Variants in TNFRSF1A observed in about 807,000 individuals in gnomAD.
TNFRSF1A encodes tumor necrosis factor receptor superfamily member 1A.
In TNFRSF1A, 9 loss-of-function variants were observed where a neutral mutation model predicts 41.6. That is an observed-to-expected ratio of 0.22 (90% CI 0.13 to 0.38). TNFRSF1A has a LOEUF of 0.38. Ranked by LOEUF, TNFRSF1A falls within the 10% of genes least tolerant of loss-of-function variation. The pLI is 1.00. For synonymous variants in TNFRSF1A, 254 were observed against 248.6 expected (o/e 1.02, Z -0.21); for missense variants, 463 against 591.5 (o/e 0.78, Z 2.25).
chr12:6,330,975 A>G (rs1379285285), intron 5 of TNFRSF1A, 49 bp from the exon 6 acceptor site: 12 of 1,466,156 alleles, frequency 8.2e-6, no homozygotes, highest in Admixed American at 1.7e-5. Context: ...CATTGGAGGA[A>G]CACAGAAAAA....
Position 6,334,304 on chromosome 12 carries a change from G to A in TNFRSF1A, c.40-60C>T, listed in dbSNP as rs1339116736. The A allele has an allele frequency of 6.5e-7, 1 of 1,527,160 alleles. No individual in the cohort carries two copies. The highest frequency in any genetic ancestry group is 9.0e-7 in the Non-Finnish European group (1 of 1,112,334). 94.6% of individuals were successfully genotyped at this position (1,527,160 alleles called of 1,614,324 possible). ...GAGAGGGAGGGATGGGAAGCTTAGGGGTAGCAGATCTAAAACTTCCCTGGC... is the reference window on the plus strand; with the variant it reads ...GAGAGGGAGGGATGGGAAGCTTAGGAGTAGCAGATCTAAAACTTCCCTGGC... On this transcript the variant is annotated intron_variant, in intron 1 of 9. Coordinates refer to ENST00000162749, the MANE Select transcript of TNFRSF1A (RefSeq NM_001065.4). The surrounding 1 kb of genome is among the most constrained non-coding windows in gnomAD (Gnocchi z 5.1).
At chr12:6,332,457 A>AAAAAAAAAAAAAAAGG (rs1364901075) in intron 5 of TNFRSF1A, among the ~76,000 whole-genome samples, 1 of 131,160 alleles carries the variant, frequency 7.6e-6, no homozygotes, top group Non-Finnish European at 1.6e-5. Context: ...AAAAAAAAAC[A>AAAAAAAAAAAAAAAGG]CCAAAAGAAA....
At chr12:6,338,721 T>C (rs1368682829) in intron 1 of TNFRSF1A, among the ~76,000 whole-genome samples, 1 of 152,046 alleles carries the variant, frequency 6.6e-6, no homozygotes, top group Non-Finnish European at 1.5e-5. Flanking sequence ...CTCCACCTCC[T>C]GGGCCCAAGC....
In TNFRSF1A at chr12:6,333,164, G is replaced by C; in HGVS notation, c.473-17C>G. Reference sequence around the variant, plus strand: ...TCTCCTGGCCTGTAGGGAGAAGTGCGGCACAGCTAAAGGAGAAGCGCCTGC... The same window carrying C: ...TCTCCTGGCCTGTAGGGAGAAGTGCCGCACAGCTAAAGGAGAAGCGCCTGC... On this transcript the variant is annotated splice_polypyrimidine_tract_variant and intron_variant, in intron 4 of 9. Transcript: ENST00000162749. This position sits in a 1 kb window ranked among gnomAD's most constrained non-coding sequence, Gnocchi z 6.3. 3 of 1,613,430 alleles carry C rather than the reference G, an allele frequency of 1.9e-6. No homozygotes were observed. The highest frequency in any genetic ancestry group is 2.5e-6 in the Non-Finnish European group (3 of 1,179,392).
Position 6,335,772 on chromosome 12 carries a change from C to T in TNFRSF1A, c.40-1528G>A, listed in dbSNP as rs971419635. Among the ~76,000 whole-genome samples, 10 of 152,186 alleles carry T rather than the reference C, an allele frequency of 6.6e-5. No individual in the cohort carries two copies. In the East Asian group the frequency reaches 7.7e-4, roughly 12 times the overall value. ...ACCCAGCCTCACCAACTCCACATTT[C>T]GGAGCAGGAGGCCAGTCACCCTGAG... On this transcript the variant is annotated intron_variant, in intron 1 of 9. Transcript: ENST00000162749.
rs369290223 is a variant in TNFRSF1A, at chr12:6,329,540, C to T, written c.1140G>A (p.Leu380=). 16 of 1,592,738 alleles carry T rather than the reference C, an allele frequency of 1.0e-5. No homozygotes were observed. The African/African-American group carries it at 1.1e-4, about 11-fold the overall frequency. The change falls in exon 10 of 10, where the codon CTG becomes CTA. Residue 380 remains leucine (L), a synonymous_variant. Transcript: ENST00000162749. ...RWKEFVRRLG[L]SDHEIDRLEL... ...CCAGCCGATCGATCTCGTGGTCGCTCAGCCCTAGGCGCCGCACGAATTCCT... is the reference window on the plus strand; with the variant it reads ...CCAGCCGATCGATCTCGTGGTCGCTTAGCCCTAGGCGCCGCACGAATTCCT...
In TNFRSF1A at chr12:6,329,495, G is replaced by C. The variant is rs746899020; in HGVS notation, c.1185C>G (p.Cys395Trp). The change falls in exon 10 of 10, where the codon TGC becomes TGG. Residue 395 changes from cysteine to tryptophan, a missense_variant. Transcript: ENST00000162749. ...GCATGCTGTATTGCGCCTCGCGCAG[G>C]CAGCGCCCGTTCTGCAGCTCCAGCC... ...IDRLELQNGRCLREAQYSMLA... is the reference protein window; with the variant it reads ...IDRLELQNGRWLREAQYSMLA... The C allele has an allele frequency of 1.3e-6, 2 of 1,594,814 alleles. No individual in the cohort carries two copies. Among genetic ancestry groups the C allele is most frequent in the African/African-American group, 2.7e-5 (2 of 74,706 alleles).
In TNFRSF1A at chr12:6,334,639, G is replaced by A. The variant is rs749429858; in HGVS notation, c.40-395C>T. On this transcript the variant is annotated intron_variant, in intron 1 of 9. Coordinates refer to ENST00000162749, the MANE Select transcript of TNFRSF1A (RefSeq NM_001065.4). This position sits in a 1 kb window ranked among gnomAD's most constrained non-coding sequence, Gnocchi z 5.1. Reference sequence around the variant, plus strand: ...TAGCCTCCTGAATAGCTGGGACTACGGCCGTGAACCACCATGCCCAGCTAA... The same window carrying A: ...TAGCCTCCTGAATAGCTGGGACTACAGCCGTGAACCACCATGCCCAGCTAA... 1.3e-4 allele frequency among the ~76,000 whole-genome samples: 20 copies of A among 151,924 alleles called. No homozygotes were observed. Among genetic ancestry groups the A allele is most frequent in the Admixed American group, 6.6e-4 (10 of 15,260 alleles).
chr12:6,333,647 C>T lies in TNFRSF1A; in HGVS notation c.322+90G>A. 1 of 1,567,548 alleles carries T rather than the reference C, an allele frequency of 6.4e-7. No individual in the cohort carries two copies. Among genetic ancestry groups the T allele is most frequent in the Non-Finnish European group, 8.7e-7 (1 of 1,155,430 alleles). On this transcript the variant is annotated intron_variant, in intron 3 of 9. Coordinates refer to ENST00000162749, the MANE Select transcript of TNFRSF1A (RefSeq NM_001065.4). This position sits in a 1 kb window ranked among gnomAD's most constrained non-coding sequence, Gnocchi z 6.3. ...ATGCAGTGTCCCACCAAAACACACA[C>T]CTTCCTGCCCACACCCACCAGCCTG... is the stretch of plus-strand genomic sequence containing the variant.
Position 6,333,963 on chromosome 12 carries a change from G to A in TNFRSF1A, c.194-98C>T, listed in dbSNP as rs1948086279. Reference sequence around the variant, plus strand: ...CAGGGCCGATTCCCTGAAGTCTCTAGGAGAGGAGGGAGGGAGAAAATCCCA... The same window carrying A: ...CAGGGCCGATTCCCTGAAGTCTCTAAGAGAGGAGGGAGGGAGAAAATCCCA... On this transcript the variant is annotated intron_variant, in intron 2 of 9. Transcript: ENST00000162749. This position sits in a 1 kb window ranked among gnomAD's most constrained non-coding sequence, Gnocchi z 6.3. 5 of 1,609,602 alleles carry A rather than the reference G, an allele frequency of 3.1e-6. No homozygotes were observed. The Admixed American group carries it at 8.4e-5, about 27-fold the overall frequency.
At chr12:6,336,995 T>G (rs1449635581) in intron 1 of TNFRSF1A, among the ~76,000 whole-genome samples, 1 of 152,092 alleles carries the variant, frequency 6.6e-6, no homozygotes, top group African/African-American at 2.4e-5. Flanking sequence ...CCACTGGCAA[T>G]ACAGGAAAGC....
At chr12:6,335,406 C>T (rs935690441) in intron 1 of TNFRSF1A, among the ~76,000 whole-genome samples, 2 of 152,120 alleles carry the variant, frequency 1.3e-5, no homozygotes, top group South Asian at 2.1e-4. Context: ...GAGCTGAGGG[C>T]GTGCTGGGGA....
At position 6,330,031 on chromosome 12, in the gene TNFRSF1A, G is replaced by C. The variant is rs200470611; in HGVS notation, c.804C>G (p.Ala268=). 9 of 1,612,350 alleles carry C rather than the reference G, an allele frequency of 5.6e-6. No homozygotes were observed. Among genetic ancestry groups the C allele is most frequent in the Non-Finnish European group, 7.6e-6 (9 of 1,179,556 alleles). The change falls in exon 9 of 10, where the codon GCC becomes GCG. Residue 268 remains alanine (A), a synonymous_variant. Transcript: ENST00000162749. ...GAGTGGGACTGAAGCTTGGGTTTGGGGCCAGGGGCTTAGTAGTAGTTCCTT... is the reference window on the plus strand; with the variant it reads ...GAGTGGGACTGAAGCTTGGGTTTGGCGCCAGGGGCTTAGTAGTAGTTCCTT... ...ELEGTTTKPL[A]PNPSFSPTPG... is the part of the protein sequence containing the mutation.
intron 9 of TNFRSF1A, 72 bp downstream of exon 9, chr12:6,329,706 C>A: frequency 6.5e-7 from 1 of 1,541,842 alleles, no homozygotes; most frequent in Non-Finnish European, 8.7e-7. Context: ...TCGTGGTCCC[C>A]TCTGGGAGCG....
rs200029309 is a variant in TNFRSF1A at position 6,329,847 on chromosome 12, C to T, written c.988G>A (p.Ala330Thr). ...GADPILATALASDPIPNPLQK... is the reference protein window; with the variant it reads ...GADPILATALTSDPIPNPLQK... Reference sequence around the variant, plus strand: ...AGGGGGTTGGGGATGGGGTCGGAGGCGAGGGCTGTCGCAAGGATGGGGTCA... The same window carrying T: ...AGGGGGTTGGGGATGGGGTCGGAGGTGAGGGCTGTCGCAAGGATGGGGTCA... Residue 330 changes from alanine (A) to threonine (T), a missense_variant, in exon 9 of 10, where the codon GCC becomes ACC. Transcript: ENST00000162749. 4.3e-4 allele frequency: 688 copies of T among 1,601,444 alleles called. 1 individual carries two copies. Among genetic ancestry groups the T allele is most frequent in the Non-Finnish European group, 5.3e-4 (618 of 1,174,768 alleles).
intron 1 of TNFRSF1A, among the ~76,000 whole-genome samples, chr12:6,339,266 G>A (rs1948156557): frequency 6.6e-6 from 1 of 152,152 alleles, no homozygotes; most frequent in African/African-American, 2.4e-5. Context: ...TCAGATGTCA[G>A]CTCCACATCC....
chr12:6,334,315 T>G lies in TNFRSF1A; in HGVS notation c.40-71A>C. Reference sequence around the variant, plus strand: ...ATGGGAAGCTTAGGGGTAGCAGATCTAAAACTTCCCTGGCTCAAGTCCTTC... The same window carrying G: ...ATGGGAAGCTTAGGGGTAGCAGATCGAAAACTTCCCTGGCTCAAGTCCTTC... On this transcript the variant is annotated intron_variant, in intron 1 of 9. Coordinates refer to ENST00000162749, the MANE Select transcript of TNFRSF1A (RefSeq NM_001065.4). The surrounding 1 kb of genome is among the most constrained non-coding windows in gnomAD (Gnocchi z 5.1). 2 of 1,422,772 alleles carry G rather than the reference T, an allele frequency of 1.4e-6. No homozygotes were observed. Among genetic ancestry groups the G allele is most frequent in the Non-Finnish European group, 2.0e-6 (2 of 1,023,962 alleles). The allele number at this position is 1,422,772 out of a possible 1,614,324, so 88.1% of individuals were successfully genotyped here. A position where few individuals can be genotyped will look rare whatever the true frequency, so the allele number is the denominator to read the frequency against.
rs1043160391 is a variant in TNFRSF1A, at chr12:6,334,444, T to C, written c.40-200A>G. On this transcript the variant is annotated intron_variant, in intron 1 of 9. Coordinates refer to ENST00000162749, the MANE Select transcript of TNFRSF1A (RefSeq NM_001065.4). This position sits in a 1 kb window ranked among gnomAD's most constrained non-coding sequence, Gnocchi z 5.1. ...TACAATCTGATGCTTAATTGTTCTC[T>C]AGTTGTCCTGTGTGTTCATTTTTGT... 6.6e-6 allele frequency among the ~76,000 whole-genome samples: 1 copy of C among 152,148 alleles called. No homozygotes were observed. Among genetic ancestry groups the C allele is most frequent in the Non-Finnish European group, 1.5e-5 (1 of 68,032 alleles).
chr12:6,340,241 C>G (rs1458534240), intron 1 of TNFRSF1A, among the ~76,000 whole-genome samples: 1 of 152,186 alleles, frequency 6.6e-6, no homozygotes, highest in Non-Finnish European at 1.5e-5. Context: ...AGAGCGCACA[C>G]TTAATAAATC....
Sources: allele counts gnomAD v4.1 joint callset (sites outside exome capture counted in the v4.1 genomes callset), GRCh38; gene constraint gnomAD v4.1.1; non-coding constraint Gnocchi (gnomAD v3.1); transcripts MANE v1.5; gene names NCBI Gene and HGNC (gene_info 2026-07-23, HGNC 2026-07-21).